The following ZNF414 variants were observed in gnomAD, a reference collection of about 807,000 sequenced individuals.
The protein encoded by ZNF414 is zinc finger protein 414.
In ZNF414, 32 loss-of-function variants were observed where a neutral mutation model predicts 38.3. The ratio of observed to expected loss-of-function variants is 0.83; its 90% CI spans 0.63 to 1.12. The LOEUF is 1.12. Ranked by LOEUF, ZNF414 falls within the 50% of genes most tolerant of loss-of-function variation. ZNF414 has a pLI of 0.00. For missense variants in ZNF414, 589 were observed against 557.4 expected (o/e 1.06, Z -0.57); for synonymous variants, 256 against 248.0 (o/e 1.03, Z -0.30).
rs1389469761 is a variant in ZNF414, at chr19:8,512,731, G to A, written c.317-20C>T. 1 of 1,483,104 alleles carries A rather than the reference G, an allele frequency of 6.7e-7. No homozygotes were observed. The highest frequency in any genetic ancestry group is 2.5e-5 in the Admixed American group (1 of 39,874). The allele number at this position is 1,483,104 out of a possible 1,614,324, so 91.9% of individuals were successfully genotyped here. ...GCTTCCCTGCAGGACGCACAGAACA[G>A]TGGTCACTGGTCCCTTCCTCACTAG... On this transcript the variant is annotated intron_variant, in intron 2 of 7. Transcript: ENST00000393927.
Position 8,510,802 on chromosome 19 carries a change from C to G in ZNF414, c.1100-38G>C, listed in dbSNP as rs757042428. Reference sequence around the variant, plus strand: ...GAGGAGGGGGGCGCCTGAGCCTCAGCGCCTTGGGCCCCCGCCCCCCTCTCC... The same window carrying G: ...GAGGAGGGGGGCGCCTGAGCCTCAGGGCCTTGGGCCCCCGCCCCCCTCTCC... On this transcript the variant is annotated intron_variant, in intron 7 of 7. Coordinates refer to ENST00000393927, the MANE Select transcript of ZNF414 (RefSeq NM_001146175.2). 5 of 1,505,046 alleles carry G rather than the reference C, an allele frequency of 3.3e-6. No homozygotes were observed. The African/African-American group carries it at 7.1e-5, about 21-fold the overall frequency. The allele number at this position is 1,505,046 out of a possible 1,614,324, so 93.2% of individuals were successfully genotyped here.
At chr19:8,512,961 G>A (rs1395842701) in intron 2 of ZNF414, 68 bp downstream of exon 2, 1 of 1,417,956 alleles carries the variant, frequency 7.1e-7, no homozygotes, top group South Asian at 1.5e-5. Flanking sequence ...TGAGGTTAGA[G>A]ATTCTCTACG....
rs934704345 is a variant in ZNF414 at position 8,514,129 on chromosome 19, C to A, written c.-83G>T. ...GGCCACCCTCTGGGCAGTGCGAGTT[C>A]GCGCTCACGTCAGCGCCATTTTCCA... On this transcript the variant is annotated 5_prime_UTR_variant, in exon 1 of 8. Coordinates refer to ENST00000393927, the MANE Select transcript of ZNF414 (RefSeq NM_001146175.2). The A allele has an allele frequency of 9.5e-6, 13 of 1,375,202 alleles. No homozygotes were observed. The Admixed American group carries it at 4.1e-4, about 43-fold the overall frequency. 85.2% of individuals were successfully genotyped at this position (1,375,202 alleles called of 1,614,324 possible).
chr19:8,513,065 C>T lies in ZNF414; in HGVS notation c.280G>A (p.Glu94Lys). The change falls in exon 2 of 8, where the codon GAG becomes AAG. Residue 94 changes from glutamate to lysine, a missense_variant. Physicochemically the swap from Glu to Lys is moderately conservative, Grantham distance 56 (BLOSUM62 1). Coordinates refer to ENST00000393927, the MANE Select transcript of ZNF414 (RefSeq NM_001146175.2). ...CGTCGTCTGGGAGGCCGCAGGTCCT[C>T]GCTGGTCCCGGAGACTATGCTGGTC... is the stretch of plus-strand genomic sequence containing the variant. ...GLTSIVSGTS[E>K]DLRPPRRRPP... 2 of 1,486,954 alleles carry T rather than the reference C, an allele frequency of 1.3e-6. No homozygotes were observed. The highest frequency in any genetic ancestry group is 1.8e-6 in the Non-Finnish European group (2 of 1,120,238). 92.1% of individuals were successfully genotyped at this position (1,486,954 alleles called of 1,614,324 possible). A position where few individuals can be genotyped will look rare whatever the true frequency, so the allele number is the denominator to read the frequency against.
In ZNF414 at chr19:8,510,696, G is replaced by C; in HGVS notation, c.1168C>G (p.Leu390Val). 1 of 1,546,850 alleles carries C rather than the reference G, an allele frequency of 6.5e-7. No homozygotes were observed. Among genetic ancestry groups the C allele is most frequent in the Non-Finnish European group, 8.7e-7 (1 of 1,144,210 alleles). Residue 390 changes from leucine (L) to valine (V), a missense_variant, in exon 8 of 8, where the codon CTC (leucine) becomes GTC (valine). Coordinates refer to ENST00000393927, the MANE Select transcript of ZNF414 (RefSeq NM_001146175.2). ...CACCCCCAAAGCGGCGGGATTCAGA[G>C]CTGCGAGAACACTGGAAGCTCCCCC... The part of the protein sequence containing the change: ...SEGELPVFSQ[L>V]
intron 6 of ZNF414, 27 bp downstream of exon 6, chr19:8,511,459 C>T (rs1429926856): frequency 6.2e-7 from 1 of 1,608,658 alleles, no homozygotes; most frequent in Non-Finnish European, 8.5e-7. Flanking sequence ...GCCCCTCCAC[C>T]CCTCCCTGGT....
Position 8,511,789 on chromosome 19 carries a change from C to G in ZNF414, c.702G>C (p.Leu234=). Residue 234 remains leucine, a synonymous_variant, in exon 5 of 8, where the codon CTG becomes CTC. Transcript: ENST00000393927. ...PEVDPASAPG[L]PFPLLEPFTT... ...TGAAGGGTTCCAGCAGCGGGAACGG[C>G]AGGCCCGGCGCTGATGCGGGGTCAA... is the stretch of plus-strand genomic sequence containing the variant. 7.1e-7 allele frequency: 1 copy of G among 1,411,750 alleles called. No individual in the cohort carries two copies. Among genetic ancestry groups the G allele is most frequent in the Non-Finnish European group, 9.2e-7 (1 of 1,091,376 alleles). 87.5% of individuals were successfully genotyped at this position (1,411,750 alleles called of 1,614,324 possible). A position where few individuals can be genotyped will look rare whatever the true frequency, so the allele number is the denominator to read the frequency against.
chr19:8,513,026 C>T lies in ZNF414; in HGVS notation c.316+3G>A, dbSNP rs1237356509. 6.2e-6 allele frequency: 9 copies of T among 1,454,744 alleles called. No individual in the cohort carries two copies. In the East Asian group the frequency reaches 2.3e-4, roughly 37 times the overall value. 90.1% of individuals were successfully genotyped at this position (1,454,744 alleles called of 1,614,324 possible). A position where few individuals can be genotyped will look rare whatever the true frequency, so the allele number is the denominator to read the frequency against. ...TTCCCCAGAAGACCCCATCACAGATCACCTGGAGGTGGGCGTCGTCTGGGA... is the reference window on the plus strand; with the variant it reads ...TTCCCCAGAAGACCCCATCACAGATTACCTGGAGGTGGGCGTCGTCTGGGA... On this transcript the variant is annotated splice_donor_region_variant and intron_variant, in intron 2 of 7. Coordinates refer to ENST00000393927, the MANE Select transcript of ZNF414 (RefSeq NM_001146175.2).
In ZNF414 at chr19:8,511,837, G is replaced by T; in HGVS notation, c.654C>A (p.Pro218=). The T allele has an allele frequency of 1.4e-6, 2 of 1,399,838 alleles. No individual in the cohort carries two copies. The highest frequency in any genetic ancestry group is 1.8e-6 in the Non-Finnish European group (2 of 1,085,210). The allele number at this position is 1,399,838 out of a possible 1,614,324, so 86.7% of individuals were successfully genotyped here. Residue 218 remains proline, a synonymous_variant, in exon 5 of 8, where the codon CCC becomes CCA. Transcript: ENST00000393927. ...PPPPALDREP[P]APERPPEVDP... is the part of the protein sequence containing the mutation. ...CAACCTCCGGGGGGCGCTCCGGCGC[G>T]GGCGGCTCTCGGTCCAGGGCCGGGG...
chr19:8,511,975 AGGGCT>A lies in ZNF414; in HGVS notation c.531-20_531-16del, dbSNP rs757386440. 190 of 1,404,210 alleles carry A rather than the reference AGGGCT, an allele frequency of 1.4e-4. 1 individual carries two copies. In the Middle Eastern group the frequency reaches 2.1e-3, roughly 15 times the overall value. 87.0% of individuals were successfully genotyped at this position (1,404,210 alleles called of 1,614,324 possible). A position where few individuals can be genotyped will look rare whatever the true frequency, so the allele number is the denominator to read the frequency against. On this transcript the variant is annotated splice_polypyrimidine_tract_variant and intron_variant, in intron 4 of 7. Coordinates refer to ENST00000393927, the MANE Select transcript of ZNF414 (RefSeq NM_001146175.2). ...AGTTCTCACACCTGGAGGTGGGCAGAGGGCTGGGCTGGGCTGGGCCTCCAGGGGCA... is the reference window on the plus strand; with the variant it reads ...AGTTCTCACACCTGGAGGTGGGCAGAGGGCTGGGCTGGGCCTCCAGGGGCA...
At position 8,511,882 on chromosome 19, in the gene ZNF414, C is replaced by T. The variant is rs748819124; in HGVS notation, c.609G>A (p.Gln203=). The T allele has an allele frequency of 2.1e-6, 3 of 1,408,872 alleles. No homozygotes were observed. The East Asian group carries it at 8.1e-5, about 38-fold the overall frequency. 87.3% of individuals were successfully genotyped at this position (1,408,872 alleles called of 1,614,324 possible). The change falls in exon 5 of 8, where the codon CAG becomes CAA. Residue 203 remains glutamine, a synonymous_variant. Coordinates refer to ENST00000393927, the MANE Select transcript of ZNF414 (RefSeq NM_001146175.2). The stretch of plus-strand genomic sequence containing the variant: ...CCGGGGGTGGCGGCGGGGCTGGGCT[C>T]TGCGCATGCTCCGCGCAAACATGCA... ...KHLHVCAEHA[Q]SPAPPPPPAL...
chr19:8,510,741 C>A lies in ZNF414; in HGVS notation c.1123G>T (p.Val375Leu). The A allele has an allele frequency of 3.2e-6, 5 of 1,549,832 alleles. No homozygotes were observed. Among genetic ancestry groups the A allele is most frequent in the Non-Finnish European group, 4.4e-6 (5 of 1,146,010 alleles). Residue 375 changes from valine to leucine, a missense_variant, in exon 8 of 8, where the codon GTG (valine) becomes TTG (leucine). Physicochemically the swap from Val to Leu is conservative, Grantham distance 32. Coordinates refer to ENST00000393927, the MANE Select transcript of ZNF414 (RefSeq NM_001146175.2). ...TCCCCCTCTGACAGCAGCGGCGACA[C>A]CTTGGGTGCAAGCGGGGCCGGATCT... ...PADPAPLAPK[V>L]SPLLSEGELP...
intron 1 of ZNF414, 70 bp downstream of exon 1, chr19:8,513,974 G>C: frequency 1.5e-6 from 2 of 1,361,134 alleles, no homozygotes; most frequent in African/African-American, 1.5e-5. Flanking sequence ...GGAGGCTGTA[G>C]GCGCGACAGG....
intron 1 of ZNF414, 102 bp downstream of exon 1, chr19:8,513,941 CG>C: frequency 7.8e-7 from 1 of 1,287,328 alleles, no homozygotes; most frequent in Non-Finnish European, 9.9e-7. Flanking sequence ...GACGGGTGCC[CG>C]GATGTGGGGG....
Position 8,510,633 on chromosome 19 carries a change from C to A in ZNF414, c.*58G>T. 2 of 1,435,376 alleles carry A rather than the reference C, an allele frequency of 1.4e-6. No homozygotes were observed. Among genetic ancestry groups the A allele is most frequent in the South Asian group, 1.3e-5 (1 of 79,450 alleles). The allele number at this position is 1,435,376 out of a possible 1,614,324, so 88.9% of individuals were successfully genotyped here. ...CCACCCCAGCCCCCCTTCCCTGCAG[C>A]CCCCTCCAAATGACAAAACTACCCA... On this transcript the variant is annotated 3_prime_UTR_variant, in exon 8 of 8. Transcript: ENST00000393927.
rs1240555355 is a variant in ZNF414, at chr19:8,513,266, C to A, written c.79G>T (p.Val27Leu). The part of the protein sequence containing the change: ...EPSSSETDKE[V>L]LSPAVPAAAP... ...GCAGCTGGCACAGCCGGGGACAACA[C>A]CTCCTTGTCGGTCTCACTGGAGCTG... Residue 27 changes from valine to leucine, a missense_variant, in exon 2 of 8, where the codon GTG becomes TTG. Val to Leu is a conservative substitution (Grantham distance 32). Coordinates refer to ENST00000393927, the MANE Select transcript of ZNF414 (RefSeq NM_001146175.2). 6.3e-7 allele frequency: 1 copy of A among 1,595,500 alleles called. No individual in the cohort carries two copies. The highest frequency in any genetic ancestry group is 1.7e-5 in the Admixed American group (1 of 59,374).
rs1214248149 is a variant in ZNF414, at chr19:8,512,721, G to A, written c.317-10C>T. 12 of 1,506,182 alleles carry A rather than the reference G, an allele frequency of 8.0e-6. No individual in the cohort carries two copies. Among genetic ancestry groups the A allele is most frequent in the South Asian group, 1.3e-5 (1 of 74,930 alleles). 93.3% of individuals were successfully genotyped at this position (1,506,182 alleles called of 1,614,324 possible). ...CAAGGGATTTGCTTCCCTGCAGGACGCACAGAACAGTGGTCACTGGTCCCT... is the reference window on the plus strand; with the variant it reads ...CAAGGGATTTGCTTCCCTGCAGGACACACAGAACAGTGGTCACTGGTCCCT... On this transcript the variant is annotated splice_polypyrimidine_tract_variant and intron_variant, in intron 2 of 7. Coordinates refer to ENST00000393927, the MANE Select transcript of ZNF414 (RefSeq NM_001146175.2).
At position 8,510,379 on chromosome 19, in the gene ZNF414, CAG is replaced by C. The variant is rs1971896813; in HGVS notation, c.*310_*311del. On this transcript the variant is annotated 3_prime_UTR_variant, in exon 8 of 8. Coordinates refer to ENST00000393927, the MANE Select transcript of ZNF414 (RefSeq NM_001146175.2). ...TTCTGGACAAGGGAGAACGCTGCCACAGTGGGTACTGGGGACCTCAACCACAG... is the reference window on the plus strand; with the variant it reads ...TTCTGGACAAGGGAGAACGCTGCCACTGGGTACTGGGGACCTCAACCACAG... 3 of 273,206 alleles carry C rather than the reference CAG, an allele frequency of 1.1e-5. No homozygotes were observed. The South Asian group carries it at 4.7e-4, about 43-fold the overall frequency. The allele number at this position is 273,206 out of a possible 1,614,324, so 16.9% of individuals were successfully genotyped here.
In ZNF414 at chr19:8,510,592, G is replaced by A. The variant is rs550030865; in HGVS notation, c.*99C>T. ...GGAACACAGCATAGGCTGGCTCATG[G>A]CGCCTTCTTTATTGTCCACCCCAGC... On this transcript the variant is annotated 3_prime_UTR_variant, in exon 8 of 8. Transcript: ENST00000393927. 3.4e-5 allele frequency: 46 copies of A among 1,346,110 alleles called. No homozygotes were observed. The South Asian group carries it at 6.1e-4, about 18-fold the overall frequency. 83.4% of individuals were successfully genotyped at this position (1,346,110 alleles called of 1,614,324 possible). A position where few individuals can be genotyped will look rare whatever the true frequency, so the allele number is the denominator to read the frequency against.
Sources: allele counts gnomAD v4.1 joint callset, GRCh38; gene constraint gnomAD v4.1.1; transcripts MANE v1.5; gene names NCBI Gene and HGNC (gene_info 2026-07-23, HGNC 2026-07-21).